ROBO2: variants seen among roughly 807,000 people sequenced by gnomAD.
ROBO2 encodes the protein roundabout homolog 2.
A neutral mutation model predicts 160.8 loss-of-function variants in ROBO2; 53 were observed. The ratio of observed to expected loss-of-function variants is 0.33; its 90% CI spans 0.26 to 0.41. The LOEUF (loss-of-function observed/expected upper bound fraction) is 0.41, where lower values mean the gene tolerates loss of function less well. Among genes scored for constraint, ROBO2 ranks in the 10% least tolerant of loss-of-function variants. The pLI, the probability that ROBO2 is intolerant of heterozygous loss-of-function variation, is 1.00. For missense variants in ROBO2, 1,577 were observed against 1,722.4 expected (o/e 0.92, Z 1.49); for synonymous variants, 664 against 611.7 (o/e 1.09, Z -1.26).
At chr3:77,328,147 C>T (rs898738733) in intron 2 of ROBO2, among the ~76,000 whole-genome samples, 11 of 151,722 alleles carry the variant, frequency 7.3e-5, no homozygotes, top group African/African-American at 2.4e-4. Context: ...TCCCCACTTC[C>T]CCCACACCCC....
At chr3:76,745,877 C>CA (rs1280087623) in intron 2 of ROBO2, among the ~76,000 whole-genome samples, 5 of 149,826 alleles carry the variant, frequency 3.3e-5, no homozygotes, top group African/African-American at 1.2e-4. Context: ...TACATGTGCA[C>CA]AATGTGCAGG....
intron 2 of ROBO2, among the ~76,000 whole-genome samples, chr3:77,225,310 AT>A (rs567191783): frequency 1.3e-5 from 2 of 151,956 alleles, no homozygotes; most frequent in Non-Finnish European, 3.0e-5. Flanking sequence ...GCAAAAATGG[AT>A]TTTTTTCAAA....
Position 77,205,855 on chromosome 3 carries a change from G to A in ROBO2, c.388+107515G>A, listed in dbSNP as rs527913379. 5.9e-5 allele frequency among the ~76,000 whole-genome samples: 9 copies of A among 152,222 alleles called. No homozygotes were observed. The East Asian group carries it at 1.7e-3, about 29-fold the overall frequency. On this transcript the variant is annotated intron_variant, in intron 2 of 25. Coordinates refer to ENST00000461745, the Ensembl canonical transcript of ROBO2. ...CACTTGAAACATGCGTAAGATCAGG[G>A]TTACAGGGAATAAGAATGTGTTAGT...
At chr3:76,064,230 T>C (rs73842943) in intron 2 of ROBO2, among the ~76,000 whole-genome samples, 1 of 152,104 alleles carries the variant, frequency 6.6e-6, no homozygotes, top group Non-Finnish European at 1.5e-5. Context: ...GAAATAATGC[T>C]CGTGTGTTGT....
intron 2 of ROBO2, among the ~76,000 whole-genome samples, chr3:77,265,821 T>C (rs1457171982): frequency 6.6e-6 from 1 of 152,200 alleles, no homozygotes; most frequent in Non-Finnish European, 1.5e-5. Flanking sequence ...TGCCTGTTCC[T>C]ATTTGCTCTC....
At chr3:77,400,459 A>T (rs915604270) in intron 2 of ROBO2, among the ~76,000 whole-genome samples, 9 of 152,188 alleles carry the variant, frequency 5.9e-5, no homozygotes, top group East Asian at 3.9e-4. Context: ...AGTAAATCAG[A>T]CATTGGAACA....
At chr3:76,993,919 A>T (rs2060837732) in intron 2 of ROBO2, among the ~76,000 whole-genome samples, 1 of 151,914 alleles carries the variant, frequency 6.6e-6, no homozygotes, top group African/African-American at 2.4e-5. Flanking sequence ...GAATAGTTAA[A>T]GCTCTACTCT....
At chr3:76,627,445 T>G (rs956373797) in intron 2 of ROBO2, among the ~76,000 whole-genome samples, 1 of 152,212 alleles carries the variant, frequency 6.6e-6, no homozygotes, top group Non-Finnish European at 1.5e-5. Flanking sequence ...GATAGGCATA[T>G]TGTTCGCGTA....
At chr3:76,068,734 C>T (rs538268949) in intron 2 of ROBO2, among the ~76,000 whole-genome samples, 13 of 152,280 alleles carry the variant, frequency 8.5e-5, no homozygotes, top group Non-Finnish European at 1.3e-4. Context: ...ATGCTTTCAT[C>T]TTGGTTTTTA....
At chr3:77,277,206 T>TG (rs2059928278) in intron 2 of ROBO2, among the ~76,000 whole-genome samples, 5 of 131,340 alleles carry the variant, frequency 3.8e-5, no homozygotes, top group African/African-American at 1.4e-4. Context: ...CTTTCTTTCT[T>TG]TCTTTCTTCT....
intron 2 of ROBO2, among the ~76,000 whole-genome samples, chr3:77,216,786 TA>T (rs1413141824): frequency 6.6e-6 from 1 of 152,202 alleles, no homozygotes; most frequent in African/African-American, 2.4e-5. Context: ...CTTCTATCTC[TA>T]AAGAGGTGGA....
At chr3:77,363,848 A>T (rs2070426084) in intron 2 of ROBO2, among the ~76,000 whole-genome samples, 1 of 152,056 alleles carries the variant, frequency 6.6e-6, no homozygotes, top group South Asian at 2.1e-4. Context: ...CTTGGAGAAG[A>T]CGAATTTTAT....
intron 2 of ROBO2, among the ~76,000 whole-genome samples, chr3:76,175,524 T>G (rs2073198392): frequency 6.6e-6 from 1 of 152,076 alleles, no homozygotes; most frequent in African/African-American, 2.4e-5. Context: ...CATTTTCTCA[T>G]GAAGCAAATA....
chr3:76,370,654 C>T lies in ROBO2; in HGVS notation c.109+433052C>T, dbSNP rs1481002732. Among the ~76,000 whole-genome samples the T allele has an allele frequency of 2.0e-5, 3 of 151,980 alleles. No individual in the cohort carries two copies. The East Asian group carries it at 5.8e-4, about 29-fold the overall frequency. On this transcript the variant is annotated intron_variant, in intron 2 of 26. Coordinates refer to the ROBO2 transcript ENST00000487694. ...ATTTCTTGTCCTGCCAGGAGCTCTT[C>T]ATTTGTCACAATTAACAATTAAAAA... is the stretch of plus-strand genomic sequence containing the variant.
At chr3:75,940,015 G>T (rs1273872537) in intron 2 of ROBO2, among the ~76,000 whole-genome samples, 10 of 152,036 alleles carry the variant, frequency 6.6e-5, no homozygotes, top group Admixed American at 1.3e-4. Flanking sequence ...CAGCAAATAT[G>T]CATGCAAATG....
At chr3:77,404,948 CCCA>C (rs2076138205) in intron 2 of ROBO2, among the ~76,000 whole-genome samples, 1 of 152,068 alleles carries the variant, frequency 6.6e-6, no homozygotes, top group South Asian at 2.1e-4. Context: ...TAATACTCTC[CCCA>C]ACTGATGTTG....
At chr3:76,519,952 C>T (rs2081518719) in intron 2 of ROBO2, among the ~76,000 whole-genome samples, 2 of 152,090 alleles carry the variant, frequency 1.3e-5, no homozygotes. Context: ...GCCGAAAAGC[C>T]TAAGAACAGA....
chr3:76,615,438 G>A (rs1317478427), intron 2 of ROBO2, among the ~76,000 whole-genome samples: 1 of 152,070 alleles, frequency 6.6e-6, no homozygotes, highest in African/African-American at 2.4e-5. Context: ...AGAGTTTTCT[G>A]AGCAAGCCTT....
chr3:75,980,568 A>G lies in ROBO2; in HGVS notation c.109+42966A>G, dbSNP rs2065246970. 2.0e-5 allele frequency among the ~76,000 whole-genome samples: 3 copies of G among 151,588 alleles called. No homozygotes were observed. In the South Asian group the frequency reaches 6.2e-4, roughly 31 times the overall value. ...GGAGGAAGCAGTAGTTTATTTTCAC[A>G]TGAAATATGTCGAGTTTCTGTAGTC... On this transcript the variant is annotated intron_variant, in intron 2 of 26. Transcript: ENST00000487694.
Sources: gnomAD v4.1 joint callset for allele counts (sites outside exome capture counted in the v4.1 genomes callset) on GRCh38, gnomAD v4.1.1 for gene constraint, MANE v1.5 for transcripts, NCBI Gene and HGNC (gene_info 2026-07-23, HGNC 2026-07-21) for gene names.